The following MIB2 variants were observed in gnomAD, a reference collection of about 807,000 sequenced individuals.
The protein encoded by MIB2 is E3 ubiquitin-protein ligase MIB2.
A neutral mutation model predicts 96.6 loss-of-function variants in MIB2; 78 were observed. The ratio of observed to expected loss-of-function variants is 0.81; its 90% CI spans 0.67 to 0.97. MIB2 has a LOEUF of 0.97. Ranked by LOEUF, MIB2 falls within the 50% of genes least tolerant of loss-of-function variation. The pLI, the probability that MIB2 is intolerant of heterozygous loss-of-function variation, is 0.00. For synonymous variants in MIB2, 820 were observed against 629.5 expected, an observed-to-expected ratio of 1.30 and a Z score of -4.53; for missense variants, 1,543 against 1,424.0, an observed-to-expected ratio of 1.08 and a Z score of -1.35.
rs1282468610 is a variant in MIB2, at chr1:1,629,105, C to T, written c.2203-28C>T. 2.1e-6 allele frequency: 3 copies of T among 1,426,492 alleles called. No individual in the cohort carries two copies. In the Admixed American group the frequency reaches 9.4e-5, roughly 45 times the overall value. The allele number at this position is 1,426,492 out of a possible 1,614,324, so 88.4% of individuals were successfully genotyped here. Reference sequence around the variant, plus strand: ...CCCTCGGGCCTGCCCCGGCGCCCGCCCTCACCGGCGTCTGTCCTGCCGCCC... The same window carrying T: ...CCCTCGGGCCTGCCCCGGCGCCCGCTCTCACCGGCGTCTGTCCTGCCGCCC... On this transcript the variant is annotated intron_variant, in intron 16 of 19. Transcript: ENST00000355826.
chr1:1,626,809 C>G lies in MIB2; in HGVS notation c.1078-28C>G. 1 of 1,597,938 alleles carries G rather than the reference C, an allele frequency of 6.3e-7. No individual in the cohort carries two copies. Among genetic ancestry groups the G allele is most frequent in the Non-Finnish European group, 8.5e-7 (1 of 1,176,580 alleles). ...CGCCGCTGCCCCCCACACCTGCAGC[C>G]TGCTGTGACCCCCTCCCCTCCCCGC... is the stretch of plus-strand genomic sequence containing the variant. On this transcript the variant is annotated intron_variant, in intron 9 of 19. Transcript: ENST00000355826. This position sits in a 1 kb window ranked among gnomAD's most constrained non-coding sequence, Gnocchi z 5.3.
rs763985854 is a variant in MIB2, at chr1:1,628,413, C to T, written c.1968+14C>T. ...CTCATCCGGGAGGTGCGGACGCGGCCCAGTCCTGCCCAAGGACCGGGGAGC... is the reference window on the plus strand; with the variant it reads ...CTCATCCGGGAGGTGCGGACGCGGCTCAGTCCTGCCCAAGGACCGGGGAGC... On this transcript the variant is annotated intron_variant, in intron 15 of 19. Transcript: ENST00000355826. The T allele has an allele frequency of 3.7e-6, 6 of 1,608,122 alleles. No individual in the cohort carries two copies. The highest frequency in any genetic ancestry group is 2.2e-5 in the South Asian group (2 of 90,836).
Position 1,628,121 on chromosome 1 carries a change from GCCA to G in MIB2, c.1787_1789del (p.Thr596del). On this transcript the variant is annotated inframe_deletion, in exon 14 of 20. Transcript: ENST00000355826. Reference sequence around the variant, plus strand: ...GGAGGTGCCAAACATCGATGTTACCGCCACCAACAGCCAGGGTTTCACCCTGCT... The same window carrying G: ...GGAGGTGCCAAACATCGATGTTACCGCCAACAGCCAGGGTTTCACCCTGCT... 3 of 1,613,362 alleles carry G rather than the reference GCCA, an allele frequency of 1.9e-6. No individual in the cohort carries two copies. The highest frequency in any genetic ancestry group is 2.5e-6 in the Non-Finnish European group (3 of 1,179,996).
chr1:1,629,736 C>A lies in MIB2; in HGVS notation c.2629+32C>A, dbSNP rs867723767. The A allele has an allele frequency of 3.2e-6, 5 of 1,549,414 alleles. 1 individual carries two copies. Among genetic ancestry groups the A allele is most frequent in the Middle Eastern group, 1.7e-4 (1 of 5,728 alleles). ...GAGGCTCTGCGCCCCCAACACGCCT[C>A]CTGCTCAGCTGGTGGCCCGCGGGTC... On this transcript the variant is annotated intron_variant, in intron 19 of 19. Transcript: ENST00000355826.
In MIB2 at chr1:1,629,514, G is replaced by C. The variant is rs367787557; in HGVS notation, c.2511G>C (p.Glu837Asp). Residue 837 changes from glutamate to aspartate, a missense_variant, in exon 18 of 20, where the codon GAG (glutamate) becomes GAC (aspartate). By Grantham distance (45) the Glu-to-Asp change is conservative (BLOSUM62 2). Transcript: ENST00000355826. ...PEAAECLVCSELALLVLFSPC... is the reference protein window; with the variant it reads ...PEAAECLVCSDLALLVLFSPC... ...CCGCTGAGTGCCTGGTGTGCTCCGA[G>C]CTGGCGCTGCTGGTGCTGTTCTCGC... 3.3e-6 allele frequency: 5 copies of C among 1,538,068 alleles called. No homozygotes were observed. The African/African-American group carries it at 6.9e-5, about 21-fold the overall frequency.
chr1:1,620,245 C>T (rs894520409), intron 2 of MIB2, among the ~76,000 whole-genome samples: 2 of 152,232 alleles, frequency 1.3e-5, no homozygotes, highest in African/African-American at 2.4e-5. Context: ...AGAGTCTGGG[C>T]GCAGAGACAG....
At chr1:1,615,455 T>A, upstream of MIB2, 1 of 1,513,682 alleles carries the variant, frequency 6.6e-7, no homozygotes, top group Non-Finnish European at 8.8e-7. Flanking sequence ...GGCGGGGGCG[T>A]GGCCATGGCG....
chr1:1,628,873 A>C (rs762627740), intron 16 of MIB2, 151 bp downstream of exon 16: 33 of 798,208 alleles, frequency 4.1e-5, no homozygotes, highest in Non-Finnish European at 6.2e-5. Context: ...GCCAAGTTCT[A>C]TGTGATCCTT....
Position 1,630,396 on chromosome 1 carries a change from C to G in MIB2, c.2734C>G (p.Pro912Ala). 2 of 1,569,354 alleles carry G rather than the reference C, an allele frequency of 1.3e-6. No homozygotes were observed. The highest frequency in any genetic ancestry group is 1.7e-6 in the Non-Finnish European group (2 of 1,159,176). ...GCAGATGGAGGAACGCATCACCTGCCCCATCTGCATCGACAGCCACATCCG... is the reference window on the plus strand; with the variant it reads ...GCAGATGGAGGAACGCATCACCTGCGCCATCTGCATCGACAGCCACATCCG... ...YRQMEERITC[P>A]ICIDSHIRLV... Residue 912 changes from proline (P) to alanine (A), a missense_variant, in exon 20 of 20, where the codon CCC (proline) becomes GCC (alanine). By Grantham distance (27) the Pro-to-Ala change is conservative. Coordinates refer to ENST00000355826, the MANE Select transcript of MIB2 (RefSeq NM_001170687.4).
In MIB2 at chr1:1,626,539, C is replaced by T. The variant is rs1277871167; in HGVS notation, c.973-111C>T. On this transcript the variant is annotated intron_variant, in intron 8 of 19. Coordinates refer to ENST00000355826, the MANE Select transcript of MIB2 (RefSeq NM_001170687.4). This position sits in a 1 kb window ranked among gnomAD's most constrained non-coding sequence, Gnocchi z 5.3. Reference sequence around the variant, plus strand: ...CCTGGGGTCGGGGTCGGGGCCGGGGCCGAGTCAGGCCTGCCTGTCTCGTGG... The same window carrying T: ...CCTGGGGTCGGGGTCGGGGCCGGGGTCGAGTCAGGCCTGCCTGTCTCGTGG... 10 of 945,588 alleles carry T rather than the reference C, an allele frequency of 1.1e-5. No homozygotes were observed. The highest frequency in any genetic ancestry group is 1.4e-5 in the Non-Finnish European group (9 of 649,238). 58.6% of individuals were successfully genotyped at this position (945,588 alleles called of 1,614,324 possible).
At position 1,623,651 on chromosome 1, in the gene MIB2, G is replaced by A. The variant is rs993643335; in HGVS notation, c.199G>A (p.Gly67Ser). 6.8e-6 allele frequency: 10 copies of A among 1,477,902 alleles called. No individual in the cohort carries two copies. In the African/African-American group the frequency reaches 7.0e-5, roughly 10 times the overall value. The allele number at this position is 1,477,902 out of a possible 1,614,324, so 91.5% of individuals were successfully genotyped here. Residue 67 changes from glycine to serine, a missense_variant, in exon 3 of 20, where the codon GGC becomes AGC. Coordinates refer to ENST00000355826, the MANE Select transcript of MIB2 (RefSeq NM_001170687.4). ...GGGCACGCGCACCAACTACCGCGCC[G>A]GCTACCAGGGCGCGCACGACCTGCT... is the stretch of plus-strand genomic sequence containing the variant. ...DQGTRTNYRA[G>S]YQGAHDLLLY...
rs528885425 is a variant in MIB2 at position 1,627,178 on chromosome 1, C to G, written c.1345C>G (p.Leu449Val). The G allele has an allele frequency of 6.4e-5, 102 of 1,594,056 alleles. 3 individuals are homozygous for G. In the South Asian group the frequency reaches 1.1e-3, roughly 17 times the overall value. ...GGCGCTGGGTAACGCAGCCCGGGCT[C>G]TGGACCTGCTGCGGAGGCGCCCAGA... ...EVALGNAARA[L>V]DLLRRRPEQV... Residue 449 changes from leucine (L) to valine (V), a missense_variant, in exon 11 of 20, where the codon CTG becomes GTG. Transcript: ENST00000355826.
intron 16 of MIB2, 26 bp from the exon 17 acceptor site, chr1:1,629,107 T>C (rs766729402): frequency 1.4e-6 from 2 of 1,429,570 alleles, no homozygotes; most frequent in South Asian, 1.4e-5. Context: ...GCGCCCGCCC[T>C]CACCGGCGTC....
In MIB2 at chr1:1,628,055, T is replaced by C; in HGVS notation, c.1717T>C (p.Ser573Pro). The change falls in exon 14 of 20, where the codon TCG (serine) becomes CCG (proline). Residue 573 changes from serine (S) to proline (P), a missense_variant. Coordinates refer to ENST00000355826, the MANE Select transcript of MIB2 (RefSeq NM_001170687.4). ...HSDTPLHSAISAGTGASGIVE... is the reference protein window; with the variant it reads ...HSDTPLHSAIPAGTGASGIVE... The stretch of plus-strand genomic sequence containing the variant: ...GGACACGCCCCTGCACTCCGCCATC[T>C]CGGCGGGCACTGGAGCCAGCGGCAT... 1 of 1,613,032 alleles carries C rather than the reference T, an allele frequency of 6.2e-7. No individual in the cohort carries two copies. The highest frequency in any genetic ancestry group is 8.5e-7 in the Non-Finnish European group (1 of 1,179,950).
chr1:1,616,818 C>T (rs1299970763), intron 2 of MIB2: 5 of 520,198 alleles, frequency 9.6e-6, no homozygotes, highest in South Asian at 4.6e-5. Flanking sequence ...CTCTGATAGG[C>T]ACCTGCAGGA....
In MIB2 at chr1:1,625,716, T is replaced by C; in HGVS notation, c.972+63T>C. The C allele has an allele frequency of 1.4e-6, 2 of 1,395,100 alleles. No homozygotes were observed. Among genetic ancestry groups the C allele is most frequent in the Non-Finnish European group, 2.0e-6 (2 of 1,011,994 alleles). 86.4% of individuals were successfully genotyped at this position (1,395,100 alleles called of 1,614,324 possible). A position where few individuals can be genotyped will look rare whatever the true frequency, so the allele number is the denominator to read the frequency against. ...TCTGTAACCCCTTCCACGTACCCCC[T>C]TGGCCTTGGGGGGTCAGGCAGGACT... On this transcript the variant is annotated intron_variant, in intron 8 of 19. Coordinates refer to ENST00000355826, the MANE Select transcript of MIB2 (RefSeq NM_001170687.4). The surrounding 1 kb of genome is among the most constrained non-coding windows in gnomAD (Gnocchi z 5.0).
intron 4 of MIB2, 93 bp from the exon 5 acceptor site, chr1:1,624,702 G>A (rs1346236459): frequency 3.3e-6 from 4 of 1,194,348 alleles, no homozygotes; most frequent in Non-Finnish European, 4.8e-6. Flanking sequence ...GTGGACAGGG[G>A]GCCTGCTCCA....
chr1:1,614,081 AGGAATTGT>A (rs1372421146), upstream of MIB2: 7 of 152,240 alleles, frequency 4.6e-5, no homozygotes, highest in African/African-American at 1.4e-4. Flanking sequence ...AAGATTGTAC[AGGAATTGT>A]GGCATGGTTT....
rs1316660033 is a variant in MIB2 at position 1,627,694 on chromosome 1, G to A, written c.1545G>A (p.Arg515=). The A allele has an allele frequency of 1.3e-6, 2 of 1,594,688 alleles. No homozygotes were observed. The highest frequency in any genetic ancestry group is 1.7e-6 in the Non-Finnish European group (2 of 1,178,342). The change falls in exon 13 of 20, where the codon AGG becomes AGA. Residue 515 remains arginine, a synonymous_variant. Coordinates refer to ENST00000355826, the MANE Select transcript of MIB2 (RefSeq NM_001170687.4). ...TCAGGAACCAGCCCGAGGCCACCAG[G>A]GTGCTCCTGAGTGCTGGGTGCCGGG... The part of the protein sequence containing the change: ...AALGNQPEAT[R]VLLSAGCRAD...
Sources: allele counts gnomAD v4.1 joint callset (sites outside exome capture counted in the v4.1 genomes callset), GRCh38; gene constraint gnomAD v4.1.1; non-coding constraint Gnocchi (gnomAD v3.1); transcripts MANE v1.5; gene names NCBI Gene and HGNC (gene_info 2026-07-23, HGNC 2026-07-21).